MTHFD1L: variants seen among roughly 807,000 people sequenced by gnomAD.
MTHFD1L encodes the protein monofunctional C1-tetrahydrofolate synthase, mitochondrial.
A neutral mutation model predicts 119.5 loss-of-function variants in MTHFD1L; 81 were observed. That is an observed-to-expected ratio of 0.68 (90% CI 0.57 to 0.82). The LOEUF is 0.82. Ranked by LOEUF, MTHFD1L falls within the 40% of genes least tolerant of loss-of-function variation. The pLI is 0.00. For synonymous variants in MTHFD1L, 430 were observed against 475.2 expected (o/e 0.90, Z 1.24); for missense variants, 1,125 against 1,253.4 (o/e 0.90, Z 1.55).
At chr6:151,020,926 A>C (rs1783857207) in intron 24 of MTHFD1L, among the ~76,000 whole-genome samples, 1 of 152,200 alleles carries the variant, frequency 6.6e-6, no homozygotes, top group Non-Finnish European at 1.5e-5. Context: ...ACGTTCTTCC[A>C]GGCATGCCTC....
chr6:150,954,661 C>A (rs894982261), intron 16 of MTHFD1L, among the ~76,000 whole-genome samples: 1 of 151,904 alleles, frequency 6.6e-6, no homozygotes, highest in African/African-American at 2.4e-5. Context: ...TGCACTCCAG[C>A]CTGCATGACA....
At chr6:151,095,287 G>A (rs77867600) in intron 27 of MTHFD1L, among the ~76,000 whole-genome samples, 5,110 of 152,290 alleles carry the variant, frequency 0.034, 176 homozygotes, top group Admixed American at 0.11. Flanking sequence ...CCATTCCCCA[G>A]TAAGGCTGTG....
Position 150,971,930 on chromosome 6 carries a change from CT to C in MTHFD1L, c.2014-12del. The C allele has an allele frequency of 6.2e-7, 1 of 1,605,628 alleles. No individual in the cohort carries two copies. Among genetic ancestry groups the C allele is most frequent in the Non-Finnish European group, 8.5e-7 (1 of 1,176,226 alleles). On this transcript the variant is annotated splice_polypyrimidine_tract_variant and intron_variant, in intron 19 of 27. Transcript: ENST00000367321. The stretch of plus-strand genomic sequence containing the variant: ...GTTTGTCTTTTGGGATTTTGATTTG[CT>C]TTTTCACTTCTCTAGGGGACACCTG...
intron 26 of MTHFD1L, among the ~76,000 whole-genome samples, chr6:151,073,533 A>C (rs1318002753): frequency 1.3e-5 from 2 of 152,356 alleles, no homozygotes; most frequent in Middle Eastern, 3.4e-3. Context: ...CAGATGATAG[A>C]ATTCATAGAC....
chr6:151,100,804 T>C (rs1795308874), intron 27 of MTHFD1L, among the ~76,000 whole-genome samples: 1 of 152,106 alleles, frequency 6.6e-6, no homozygotes, highest in Non-Finnish European at 1.5e-5. Flanking sequence ...TTTTCAAACA[T>C]TGCTTTCTGT....
intron 26 of MTHFD1L, among the ~76,000 whole-genome samples, chr6:151,090,250 TC>T (rs1794251778): frequency 6.6e-6 from 1 of 152,172 alleles, no homozygotes; most frequent in African/African-American, 2.4e-5. Context: ...GGCTTTTCCC[TC>T]CCCTTCGCTC....
intron 20 of MTHFD1L, among the ~76,000 whole-genome samples, chr6:150,977,113 G>A (rs1776694722): frequency 6.6e-6 from 1 of 152,182 alleles, no homozygotes; most frequent in Non-Finnish European, 1.5e-5. Flanking sequence ...GATGTGCTGT[G>A]AGAGACAAGA....
chr6:150,868,585 C>T (rs1778850518), intron 1 of MTHFD1L, among the ~76,000 whole-genome samples: 1 of 152,126 alleles, frequency 6.6e-6, no homozygotes, highest in Non-Finnish European at 1.5e-5. Flanking sequence ...GATCTGCCTG[C>T]CTCAGCCTCC....
chr6:151,058,283 G>C (rs1487405046), intron 26 of MTHFD1L, among the ~76,000 whole-genome samples: 1 of 152,236 alleles, frequency 6.6e-6, no homozygotes, highest in African/African-American at 2.4e-5. Flanking sequence ...GGGTGGGTCA[G>C]GGCCAGCTGG....
chr6:151,098,222 T>G (rs1472025495), intron 27 of MTHFD1L, among the ~76,000 whole-genome samples: 1 of 152,092 alleles, frequency 6.6e-6, no homozygotes, highest in Non-Finnish European at 1.5e-5. Context: ...GCAGAAATTT[T>G]CAATGATATT....
intron 26 of MTHFD1L, among the ~76,000 whole-genome samples, chr6:151,076,101 T>A (rs1792475424): frequency 6.6e-6 from 1 of 152,224 alleles, no homozygotes; most frequent in South Asian, 2.1e-4. Flanking sequence ...CTAAGCACAG[T>A]AGCTCATGCC....
rs1796973904 is a variant in MTHFD1L, at chr6:150,964,910, G to A, written c.1945-59G>A. ...GCAGGCTGGAGAGAAGTGCCAAGGG[G>A]TTAACCATTGCCTGGATGATATTTT... On this transcript the variant is annotated intron_variant, in intron 18 of 27. Coordinates refer to ENST00000367321, the MANE Select transcript of MTHFD1L (RefSeq NM_015440.5). 7.1e-6 allele frequency: 11 copies of A among 1,556,680 alleles called. No individual in the cohort carries two copies. The South Asian group carries it at 1.1e-4, about 16-fold the overall frequency.
chr6:150,918,550 CT>C (rs749045686), intron 8 of MTHFD1L, 26 bp from the exon 9 acceptor site: 44 of 1,515,226 alleles, frequency 2.9e-5, no homozygotes, highest in Non-Finnish European at 3.5e-5. Flanking sequence ...TACTGAAAGT[CT>C]TTTTTTTCCC....
chr6:150,884,331 G>A (rs1300793366), intron 5 of MTHFD1L, among the ~76,000 whole-genome samples: 2 of 151,814 alleles, frequency 1.3e-5, no homozygotes, highest in African/African-American at 4.8e-5. Flanking sequence ...TAGTAGAGAC[G>A]AGGTTTCACC....
rs111951048 is a variant in MTHFD1L at position 151,024,146 on chromosome 6, G to A, written c.2586+8453G>A. ...ACAAGGGCTCCTTGAACATGAACAC[G>A]GAACGAGCGTTGCACCTGTATTCAT... On this transcript the variant is annotated intron_variant, in intron 24 of 27. Transcript: ENST00000367321. 2.2e-3 allele frequency among the ~76,000 whole-genome samples: 333 copies of A among 152,060 alleles called. 2 individuals are homozygous for A. Among genetic ancestry groups the A allele is most frequent in the African/African-American group, 7.7e-3 (320 of 41,472 alleles).
intron 10 of MTHFD1L, among the ~76,000 whole-genome samples, chr6:150,923,118 A>C (rs566673573): frequency 1.3e-5 from 2 of 152,214 alleles, no homozygotes; most frequent in South Asian, 4.2e-4. Flanking sequence ...GACCGTCCAA[A>C]CCAAACATTA....
At chr6:151,049,110 C>A (rs573480873) in intron 26 of MTHFD1L, among the ~76,000 whole-genome samples, 3 of 152,214 alleles carry the variant, frequency 2.0e-5, no homozygotes, top group African/African-American at 7.2e-5. Context: ...AATGCCAACA[C>A]TTTGGGAGAC....
chr6:150,991,775 A>G (rs1779098019), intron 20 of MTHFD1L, among the ~76,000 whole-genome samples: 1 of 152,208 alleles, frequency 6.6e-6, no homozygotes, highest in African/African-American at 2.4e-5. Context: ...AATAAATGCT[A>G]ATCTGAAATA....
intron 8 of MTHFD1L, among the ~76,000 whole-genome samples, chr6:150,916,272 T>TAGGAAG: frequency 6.8e-6 from 1 of 147,300 alleles, no homozygotes; most frequent in Admixed American, 7.0e-5. Flanking sequence ...TTCTAAGTGA[T>TAGGAAG]GAAGGAAGGA....
Sources: allele counts gnomAD v4.1 joint callset (sites outside exome capture counted in the v4.1 genomes callset), GRCh38; gene constraint gnomAD v4.1.1; transcripts MANE v1.5; gene names NCBI Gene and HGNC (gene_info 2026-07-23, HGNC 2026-07-21).